SEPTIN9: variants seen among roughly 807,000 people sequenced by gnomAD.
SEPTIN9 encodes septin 9.
SEPTIN9 carries 13 observed loss-of-function variants against 56.6 expected under a neutral mutation model. That is an observed-to-expected ratio of 0.23 (90% CI 0.15 to 0.37). The LOEUF (loss-of-function observed/expected upper bound fraction) is 0.37, where lower values mean the gene tolerates loss of function less well. Ranked by LOEUF, SEPTIN9 falls within the 10% of genes least tolerant of loss-of-function variation. The pLI, the probability that SEPTIN9 is intolerant of heterozygous loss-of-function variation, is 1.00. For missense variants in SEPTIN9, 650 were observed against 823.1 expected (o/e 0.79, Z 2.57); for synonymous variants, 332 against 334.1 (o/e 0.99, Z 0.07).
intron 2 of SEPTIN9, among the ~76,000 whole-genome samples, chr17:77,307,922 C>G (rs1367518137): frequency 6.6e-6 from 1 of 152,204 alleles, no homozygotes; most frequent in East Asian, 1.9e-4. Context: ...GCGTCATCTT[C>G]TCCCCACTGG....
intron 2 of SEPTIN9, among the ~76,000 whole-genome samples, chr17:77,395,422 G>A (rs920025394): frequency 6.6e-6 from 1 of 151,958 alleles, no homozygotes; most frequent in Non-Finnish European, 1.5e-5. Flanking sequence ...CCAGCTACTC[G>A]GGAGGCTGAG....
intron 6 of SEPTIN9, 146 bp downstream of exon 6, chr17:77,488,467 C>G: frequency 1.2e-6 from 1 of 862,154 alleles, no homozygotes; most frequent in Non-Finnish European, 1.9e-6. Flanking sequence ...CCGCACGTCT[C>G]AGGGGCCTGA....
chr17:77,413,891 C>T (rs2036391527), intron 3 of SEPTIN9, among the ~76,000 whole-genome samples: 1 of 150,528 alleles, frequency 6.6e-6, no homozygotes, highest in African/African-American at 2.4e-5. Flanking sequence ...ACCAAATTTC[C>T]GTGATGGAAT....
At chr17:77,473,313 T>C (rs940993351) in intron 3 of SEPTIN9, among the ~76,000 whole-genome samples, 4 of 152,198 alleles carry the variant, frequency 2.6e-5, no homozygotes, top group African/African-American at 9.6e-5. Flanking sequence ...GTTTAGAGAG[T>C]GCTGCAGGTA....
intron 2 of SEPTIN9, among the ~76,000 whole-genome samples, chr17:77,395,759 C>T (rs2035690663): frequency 6.6e-6 from 1 of 152,116 alleles, no homozygotes; most frequent in African/African-American, 2.4e-5. Context: ...ATCTTGTGTC[C>T]TGCTATTTTT....
At chr17:77,414,064 A>G (rs916883711) in intron 3 of SEPTIN9, among the ~76,000 whole-genome samples, 2 of 150,646 alleles carry the variant, frequency 1.3e-5, no homozygotes, top group African/African-American at 2.5e-5. Context: ...CTACTATACA[A>G]TCCACCAATT....
At chr17:77,461,255 G>A (rs1041188987) in intron 3 of SEPTIN9, among the ~76,000 whole-genome samples, 3 of 151,542 alleles carry the variant, frequency 2.0e-5, no homozygotes, top group African/African-American at 4.9e-5. Flanking sequence ...GCAGTGAGCC[G>A]AGATCACACC....
rs768619206 is a variant in SEPTIN9 at position 77,475,862 on chromosome 17, A to C, written c.722-6282A>C. The C allele has an allele frequency of 1.2e-4, 189 of 1,613,096 alleles. No individual in the cohort carries two copies. Among genetic ancestry groups the C allele is most frequent in the Non-Finnish European group, 1.5e-4 (176 of 1,179,670 alleles). On this transcript the variant is annotated intron_variant, in intron 3 of 11. Transcript: ENST00000427177. The surrounding 1 kb of genome is among the most constrained non-coding windows in gnomAD (Gnocchi z 4.6). ...GGCCTCCGTGGGCAGGAGGAGGATG[A>C]CCTTGCATTCTGCTTGGCCACCATT...
intron 5 of SEPTIN9, 26 bp from the exon 6 acceptor site, chr17:77,488,214 G>T (rs1222101813): frequency 6.2e-7 from 1 of 1,611,512 alleles, no homozygotes. Flanking sequence ...TCTCCCCTCT[G>T]ACTCTGCGTC....
chr17:77,463,569 G>A (rs2144514317), intron 3 of SEPTIN9, among the ~76,000 whole-genome samples: 1 of 152,214 alleles, frequency 6.6e-6, no homozygotes, highest in Middle Eastern at 3.4e-3. Context: ...TCAGCTGGGT[G>A]TGGTGGCTCA....
At chr17:77,489,056 AG>A (rs2039920144) in intron 7 of SEPTIN9, among the ~76,000 whole-genome samples, 192 bp downstream of exon 7, 1 of 33,466 alleles carries the variant, frequency 3.0e-5, no homozygotes, top group South Asian at 6.6e-4. Context: ...CCCCTATGCA[AG>A]TGTCCTGCCC....
At position 77,400,034 on chromosome 17, in the gene SEPTIN9, A is replaced by G. The variant is rs929491751; in HGVS notation, c.77-2025A>G. Among the ~76,000 whole-genome samples, 1 of 152,144 alleles carries G rather than the reference A, an allele frequency of 6.6e-6. No homozygotes were observed. The highest frequency in any genetic ancestry group is 1.5e-5 in the Non-Finnish European group (1 of 68,032). On this transcript the variant is annotated intron_variant, in intron 2 of 11. Transcript: ENST00000427177. The surrounding 1 kb of genome is among the most constrained non-coding windows in gnomAD (Gnocchi z 4.1). ...TCGCTCTGTCAGTCAGGCTGAGTGC[A>G]GTGACACGATCTCAGCTCTGCAACC... is the stretch of plus-strand genomic sequence containing the variant.
At position 77,492,656 on chromosome 17, in the gene SEPTIN9, G is replaced by C. The variant is rs2143413451; in HGVS notation, c.1416G>C (p.Val472=). Residue 472 remains valine, a synonymous_variant, in exon 9 of 12, where the codon GTG becomes GTC. Transcript: ENST00000427177. The surrounding 1 kb of genome is among the most constrained non-coding windows in gnomAD (Gnocchi z 5.4). ...ACCTGCTGTCCAACGGCATCGACGT[G>C]TACCCCCAGAAGGAATTTGATGAGG... ...TADLLSNGID[V]YPQKEFDEDS... is the part of the protein sequence containing the mutation. 3 of 1,614,138 alleles carry C rather than the reference G, an allele frequency of 1.9e-6. No homozygotes were observed. Among genetic ancestry groups the C allele is most frequent in the Non-Finnish European group, 2.5e-6 (3 of 1,180,034 alleles).
At chr17:77,305,909 G>T (rs184640694) in intron 1 of SEPTIN9, among the ~76,000 whole-genome samples, 172 of 101,178 alleles carry the variant, frequency 1.7e-3, no homozygotes, top group African/African-American at 6.5e-3. Flanking sequence ...GGTGGGTGGG[G>T]GGGTGGGTGG....
chr17:77,482,785 G>A (rs1423097416), intron 4 of SEPTIN9: 2 of 558,488 alleles, frequency 3.6e-6, no homozygotes, highest in African/African-American at 3.8e-5. Flanking sequence ...GGGCCTCGTG[G>A]CTTCCACACC....
At chr17:77,301,657 C>T (rs1157607628) in intron 1 of SEPTIN9, among the ~76,000 whole-genome samples, 1 of 152,146 alleles carries the variant, frequency 6.6e-6, no homozygotes, top group Non-Finnish European at 1.5e-5. Context: ...AGATGATTTG[C>T]CTGCCTTGGC....
At chr17:77,404,813 T>C (rs564964867) in intron 3 of SEPTIN9, among the ~76,000 whole-genome samples, 1 of 152,258 alleles carries the variant, frequency 6.6e-6, no homozygotes, top group East Asian at 1.9e-4. Context: ...AGTCCCGTGT[T>C]CCCTCTCCCA....
chr17:77,315,496 C>G (rs1307623734), intron 2 of SEPTIN9, among the ~76,000 whole-genome samples: 1 of 152,188 alleles, frequency 6.6e-6, no homozygotes, highest in Non-Finnish European at 1.5e-5. Context: ...CCATGTTGGT[C>G]AGGCTGGTCT....
chr17:77,481,594 C>T (rs992109632), intron 3 of SEPTIN9, among the ~76,000 whole-genome samples: 1 of 152,144 alleles, frequency 6.6e-6, no homozygotes, highest in Admixed American at 6.5e-5. Flanking sequence ...GGGACACACG[C>T]TGGTTCTATC....
Sources: allele counts gnomAD v4.1 joint callset (sites outside exome capture counted in the v4.1 genomes callset), GRCh38; gene constraint gnomAD v4.1.1; non-coding constraint Gnocchi (gnomAD v3.1); transcripts MANE v1.5; gene names NCBI Gene and HGNC (gene_info 2026-07-23, HGNC 2026-07-21).